LRFN5: variants seen among roughly 807,000 people sequenced by gnomAD.
LRFN5 encodes the protein leucine-rich repeat and fibronectin type-III domain-containing protein 5.
Under a neutral mutation model 45.6 loss-of-function variants are expected in LRFN5, and 24 were observed. The ratio of observed to expected loss-of-function variants is 0.53; its 90% CI spans 0.38 to 0.74. LRFN5 has a LOEUF of 0.74. LRFN5 is among the 30% of genes least tolerant of loss of function. The pLI is 0.00. For missense variants in LRFN5, 776 were observed against 861.5 expected (o/e 0.90, Z 1.24); for synonymous variants, 340 against 313.8 (o/e 1.08, Z -0.88).
intron 1 of LRFN5, among the ~76,000 whole-genome samples, chr14:41,760,264 A>T (rs1224706564): frequency 1.3e-5 from 2 of 152,194 alleles, no homozygotes; most frequent in Non-Finnish European, 2.9e-5. Flanking sequence ...TTATTTCTTA[A>T]TATTCAGACA....
At chr14:41,695,905 G>T (rs2065504496) in intron 1 of LRFN5, among the ~76,000 whole-genome samples, 1 of 151,950 alleles carries the variant, frequency 6.6e-6, no homozygotes, top group Non-Finnish European at 1.5e-5. Context: ...TATTTCATAA[G>T]ACTGTTGCTG....
At chr14:41,807,273 C>CT (rs565376988) in intron 2 of LRFN5, among the ~76,000 whole-genome samples, 13 of 151,048 alleles carry the variant, frequency 8.6e-5, no homozygotes, top group East Asian at 3.9e-4. Context: ...AAAAGTAAAA[C>CT]TTTTTTTTTA....
At chr14:41,689,348 A>C (rs1882264433) in intron 1 of LRFN5, among the ~76,000 whole-genome samples, 1 of 152,170 alleles carries the variant, frequency 6.6e-6, no homozygotes, top group Non-Finnish European at 1.5e-5. Context: ...AACATTGACT[A>C]ATCTTTCACT....
At chr14:41,894,095 A>G in intron 4 of LRFN5, 2 of 983,760 alleles carry the variant, frequency 2.0e-6, no homozygotes, top group Non-Finnish European at 2.4e-6. Context: ...TCAGCATAGT[A>G]TTAAAAATAT....
chr14:41,697,251 T>C (rs1882652228), intron 1 of LRFN5, among the ~76,000 whole-genome samples: 1 of 151,970 alleles, frequency 6.6e-6, no homozygotes, highest in South Asian at 2.1e-4. Context: ...TTGCTTGAGG[T>C]TTATCAATTG....
At chr14:41,733,075 A>G (rs2138798329) in intron 1 of LRFN5, among the ~76,000 whole-genome samples, 1 of 152,068 alleles carries the variant, frequency 6.6e-6, no homozygotes, top group Admixed American at 6.6e-5. Context: ...AGATTGAACA[A>G]AAGGACCATT....
chr14:41,615,037 G>A (rs900808214), intron 1 of LRFN5, among the ~76,000 whole-genome samples: 5 of 152,012 alleles, frequency 3.3e-5, no homozygotes, highest in African/African-American at 1.2e-4. Flanking sequence ...TAATACTCTG[G>A]AGAATGCATG....
chr14:41,851,931 C>G (rs1889281374), intron 2 of LRFN5, among the ~76,000 whole-genome samples: 2 of 151,430 alleles, frequency 1.3e-5, no homozygotes, highest in African/African-American at 4.8e-5. Context: ...GAAACCATAC[C>G]TAATTTGATG....
chr14:41,786,485 T>A (rs1444123083), intron 2 of LRFN5, among the ~76,000 whole-genome samples: 1 of 151,924 alleles, frequency 6.6e-6, no homozygotes, highest in Non-Finnish European at 1.5e-5. Context: ...CTTAGTTATG[T>A]TCTTCTGTAT....
chr14:41,640,917 C>G (rs1235952250), intron 1 of LRFN5, among the ~76,000 whole-genome samples: 2 of 151,960 alleles, frequency 1.3e-5, no homozygotes, highest in African/African-American at 2.4e-5. Context: ...TGGGAAAACT[C>G]AGGTATAAAT....
At chr14:41,807,115 A>G (rs1325464573) in intron 2 of LRFN5, among the ~76,000 whole-genome samples, 2 of 152,150 alleles carry the variant, frequency 1.3e-5, no homozygotes, top group South Asian at 2.1e-4. Flanking sequence ...AAGAAATAAG[A>G]TACATTCTGT....
chr14:41,717,320 A>G (rs1883532668), intron 1 of LRFN5, among the ~76,000 whole-genome samples: 1 of 152,202 alleles, frequency 6.6e-6, no homozygotes, highest in African/African-American at 2.4e-5. Context: ...GGATGGATCA[A>G]TGCATATTGA....
chr14:41,680,684 C>G (rs563546765), intron 1 of LRFN5, among the ~76,000 whole-genome samples: 2 of 152,128 alleles, frequency 1.3e-5, no homozygotes, highest in East Asian at 3.9e-4. Context: ...ACTGTGAAGA[C>G]TATAATAAAT....
chr14:41,851,971 C>A (rs533522053), intron 2 of LRFN5, among the ~76,000 whole-genome samples: 1 of 142,032 alleles, frequency 7.0e-6, no homozygotes, highest in South Asian at 2.2e-4. Context: ...AATCCTTGCT[C>A]TAAAGTAATG....
At chr14:41,662,407 T>C (rs565012722) in intron 1 of LRFN5, among the ~76,000 whole-genome samples, 1 of 152,190 alleles carries the variant, frequency 6.6e-6, no homozygotes, top group African/African-American at 2.4e-5. Context: ...GATTATTTTG[T>C]ACCCTGGAAC....
At chr14:41,758,613 A>G (rs927913669) in intron 1 of LRFN5, among the ~76,000 whole-genome samples, 2 of 152,236 alleles carry the variant, frequency 1.3e-5, no homozygotes, top group Non-Finnish European at 2.9e-5. Flanking sequence ...CTGAACAAGA[A>G]AAGACCAAGG....
chr14:41,766,318 T>TA (rs1161403787), intron 1 of LRFN5, among the ~76,000 whole-genome samples: 2 of 152,120 alleles, frequency 1.3e-5, no homozygotes. Context: ...GACATAAAGT[T>TA]AAAAAATAAA....
At chr14:41,667,500 A>G (rs900044104) in intron 1 of LRFN5, among the ~76,000 whole-genome samples, 1 of 152,206 alleles carries the variant, frequency 6.6e-6, no homozygotes, top group Admixed American at 6.5e-5. Flanking sequence ...AGTGGCTAAC[A>G]TGCTGGACAG....
At chr14:41,636,910 ACT>A (rs1179604292) in intron 1 of LRFN5, among the ~76,000 whole-genome samples, 1 of 152,186 alleles carries the variant, frequency 6.6e-6, no homozygotes, top group Non-Finnish European at 1.5e-5. Context: ...CTAGAGGCAG[ACT>A]GCCTTGGGTT....
Sources: allele counts gnomAD v4.1 joint callset (sites outside exome capture counted in the v4.1 genomes callset), GRCh38; gene constraint gnomAD v4.1.1; transcripts MANE v1.5; gene names NCBI Gene and HGNC (gene_info 2026-07-23, HGNC 2026-07-21).